The following CHRM3 variants were observed in gnomAD, a reference collection of about 807,000 sequenced individuals.
CHRM3 encodes muscarinic acetylcholine receptor M3.
In CHRM3, 11 loss-of-function variants were observed where a neutral mutation model predicts 41.8. The ratio of observed to expected loss-of-function variants is 0.26; its 90% CI spans 0.17 to 0.44. CHRM3 has a LOEUF of 0.44. Among genes scored for constraint, CHRM3 ranks in the 20% least tolerant of loss-of-function variants. The pLI is 1.00. For synonymous variants in CHRM3, 297 were observed against 301.4 expected (o/e 0.99, Z 0.15); for missense variants, 571 against 745.4 (o/e 0.77, Z 2.72).
chr1:239,899,095 G>A (rs567924699), intron 6 of CHRM3, among the ~76,000 whole-genome samples: 9 of 152,108 alleles, frequency 5.9e-5, no homozygotes, highest in African/African-American at 1.9e-4. Context: ...TACATTGTAC[G>A]TACATCATGA....
intron 6 of CHRM3, among the ~76,000 whole-genome samples, chr1:239,888,882 A>G (rs535620162): frequency 1.3e-5 from 2 of 152,234 alleles, no homozygotes; most frequent in African/African-American, 4.8e-5. Flanking sequence ...GCTCTTACCC[A>G]TGGTTTATGC....
chr1:239,435,683 T>G (rs1050232731), intron 1 of CHRM3, among the ~76,000 whole-genome samples: 1 of 152,132 alleles, frequency 6.6e-6, no homozygotes, highest in African/African-American at 2.4e-5. Context: ...TTTCTGTGCT[T>G]TACTGAAAGA....
chr1:239,757,613 G>C (rs111338912), intron 5 of CHRM3, among the ~76,000 whole-genome samples: 9,328 of 148,882 alleles, frequency 0.063, 705 homozygotes, highest in African/African-American at 0.18. Flanking sequence ...CTGGGTCACA[G>C]AGTGAGACTC....
intron 3 of CHRM3, among the ~76,000 whole-genome samples, chr1:239,581,292 A>G (rs1207364368): frequency 6.6e-6 from 1 of 152,118 alleles, no homozygotes; most frequent in Non-Finnish European, 1.5e-5. Context: ...CCTATGTTTT[A>G]AAGAGAATAG....
rs372952182 is a variant in CHRM3, at chr1:239,426,582, G to A, written c.-521+39355G>A. ...GTGTGAGCATATGTGTGTGCAGGTT[G>A]AAGTGACAGAGAGCTATTTGTTAGA... On this transcript the variant is annotated intron_variant, in intron 1 of 6. Transcript: ENST00000676153. Among the ~76,000 whole-genome samples, 30 of 152,006 alleles carry A rather than the reference G, an allele frequency of 2.0e-4. No homozygotes were observed. In the East Asian group the frequency reaches 4.7e-3, roughly 24 times the overall value.
intron 3 of CHRM3, among the ~76,000 whole-genome samples, chr1:239,593,272 A>G (rs186177057): frequency 3.3e-5 from 5 of 152,190 alleles, no homozygotes; most frequent in Admixed American, 2.6e-4. Flanking sequence ...TTCTTTACCT[A>G]GAGTAGCCCT....
chr1:239,524,335 A>T (rs1476656267), intron 2 of CHRM3, among the ~76,000 whole-genome samples: 1 of 152,180 alleles, frequency 6.6e-6, no homozygotes, highest in Non-Finnish European at 1.5e-5. Context: ...CTTTCCAGCA[A>T]CTTGACATTT....
At chr1:239,412,102 G>C (rs1661123245) in intron 1 of CHRM3, among the ~76,000 whole-genome samples, 1 of 150,418 alleles carries the variant, frequency 6.6e-6, no homozygotes, top group Admixed American at 6.6e-5. Context: ...AATATGTTTT[G>C]ACTGTATATT....
At chr1:239,449,733 G>GGTGTGTGTGTGTGT (rs149312544) in intron 1 of CHRM3, among the ~76,000 whole-genome samples, 1 of 143,638 alleles carries the variant, frequency 7.0e-6, no homozygotes, top group African/African-American at 2.7e-5. Flanking sequence ...GTCACATTCT[G>GGTGTGTGTGTGTGT]GTGTGTGTGT....
chr1:239,750,162 G>A (rs1665691147), intron 5 of CHRM3, among the ~76,000 whole-genome samples: 1 of 152,074 alleles, frequency 6.6e-6, no homozygotes. Flanking sequence ...CATTGCACTT[G>A]TAACTCAGCA....
At chr1:239,576,471 G>A (rs1044954741) in intron 3 of CHRM3, among the ~76,000 whole-genome samples, 5 of 152,058 alleles carry the variant, frequency 3.3e-5, no homozygotes, top group Admixed American at 6.6e-5. Flanking sequence ...GGCCAGGCAC[G>A]GTGGCTCATG....
intron 6 of CHRM3, among the ~76,000 whole-genome samples, chr1:239,861,988 C>CA (rs1165990081): frequency 5.3e-5 from 8 of 151,818 alleles, no homozygotes; most frequent in East Asian, 1.9e-4. Context: ...CTAGAGCCAC[C>CA]AAAAAAACAC....
chr1:239,808,756 A>G (rs79215222), intron 5 of CHRM3, among the ~76,000 whole-genome samples: 1,909 of 152,190 alleles, frequency 0.013, 48 homozygotes, highest in African/African-American at 0.044. Flanking sequence ...CAATACTTGC[A>G]TTTCCTAGAA....
rs372307632 is a variant in CHRM3, at chr1:239,853,418, C to G, written c.-20+26040C>G. 4.6e-5 allele frequency among the ~76,000 whole-genome samples: 7 copies of G among 151,838 alleles called. No individual in the cohort carries two copies. In the East Asian group the frequency reaches 1.4e-3, roughly 29 times the overall value. ...TTTCTTTTCTTTTTTTCAATGCCAACAGTTGTCAGTGATTTGGAAAATGCA... is the reference window on the plus strand; with the variant it reads ...TTTCTTTTCTTTTTTTCAATGCCAAGAGTTGTCAGTGATTTGGAAAATGCA... On this transcript the variant is annotated intron_variant, in intron 6 of 6. Coordinates refer to ENST00000676153, the MANE Select transcript of CHRM3 (RefSeq NM_001375978.1).
chr1:239,421,057 T>A (rs1331401466), intron 1 of CHRM3, among the ~76,000 whole-genome samples: 1 of 152,166 alleles, frequency 6.6e-6, no homozygotes, highest in Non-Finnish European at 1.5e-5. Context: ...ACGTATTATT[T>A]TAAAAAGAGG....
chr1:239,800,222 T>C (rs1670103205), intron 5 of CHRM3, among the ~76,000 whole-genome samples: 1 of 152,200 alleles, frequency 6.6e-6, no homozygotes, highest in Admixed American at 6.5e-5. Flanking sequence ...TCGCTTCTCC[T>C]TAAGGATGGA....
chr1:239,643,279 A>C (rs1671396530), intron 4 of CHRM3, among the ~76,000 whole-genome samples: 1 of 152,182 alleles, frequency 6.6e-6, no homozygotes. Flanking sequence ...TGCTGGGAGA[A>C]CCACTGCTCT....
intron 1 of CHRM3, among the ~76,000 whole-genome samples, chr1:239,445,880 C>G (rs185746352): frequency 1.0e-3 from 155 of 151,586 alleles, no homozygotes; most frequent in African/African-American, 3.6e-3. Flanking sequence ...GCTGCCAACT[C>G]AGAGGGTACT....
intron 1 of CHRM3, among the ~76,000 whole-genome samples, chr1:239,416,953 G>A (rs1175729264): frequency 1.3e-5 from 2 of 152,190 alleles, no homozygotes; most frequent in African/African-American, 2.4e-5. Flanking sequence ...CATGGACTGA[G>A]TATTTAACAA....
Sources: allele counts gnomAD v4.1 joint callset (sites outside exome capture counted in the v4.1 genomes callset), GRCh38; gene constraint gnomAD v4.1.1; transcripts MANE v1.5; gene names NCBI Gene and HGNC (gene_info 2026-07-23, HGNC 2026-07-21).